Variants in TRPV4 observed in about 807,000 individuals in gnomAD.
The protein encoded by TRPV4 is transient receptor potential cation channel subfamily V member 4.
Under a neutral mutation model 84.1 loss-of-function variants are expected in TRPV4, and 58 were observed. That is an observed-to-expected ratio of 0.69 (90% CI 0.56 to 0.86). TRPV4 has a LOEUF of 0.86. Among genes scored for constraint, TRPV4 ranks in the 40% least tolerant of loss-of-function variants. The pLI, the probability that TRPV4 is intolerant of heterozygous loss-of-function variation, is 0.00. For missense variants in TRPV4, 879 were observed against 1,181.1 expected (o/e 0.74, Z 3.75); for synonymous variants, 489 against 500.9 (o/e 0.98, Z 0.32).
chr12:109,802,850 C>G lies in TRPV4; in HGVS notation c.712+141G>C, dbSNP rs1890886854. Reference sequence around the variant, plus strand: ...TCCATGCATCCATGCATCCATCCATCCATCCATCCATCCATCCATTTGTCA... The same window carrying G: ...TCCATGCATCCATGCATCCATCCATGCATCCATCCATCCATCCATTTGTCA... On this transcript the variant is annotated intron_variant, in intron 4 of 15. Transcript: ENST00000261740. 1.8e-5 allele frequency: 15 copies of G among 811,718 alleles called. 1 individual carries two copies. In the South Asian group the frequency reaches 2.1e-4, roughly 11 times the overall value. The allele number at this position is 811,718 out of a possible 1,614,324, so 50.3% of individuals were successfully genotyped here.
At chr12:109,817,285 G>A (rs967037457) in intron 1 of TRPV4, among the ~76,000 whole-genome samples, 1 of 152,122 alleles carries the variant, frequency 6.6e-6, no homozygotes, top group Non-Finnish European at 1.5e-5. Context: ...CTCACTGGGG[G>A]CCCTGAGGTC....
Position 109,793,951 on chromosome 12 carries a change from C to T in TRPV4, c.1563G>A (p.Gly521=), listed in dbSNP as rs750906932. The T allele has an allele frequency of 6.8e-6, 11 of 1,610,398 alleles. No individual in the cohort carries two copies. In the East Asian group the frequency reaches 2.2e-4, roughly 33 times the overall value. Residue 521 remains glycine, a synonymous_variant, in exon 9 of 16, where the codon GGG becomes GGA. Coordinates refer to ENST00000261740, the MANE Select transcript of TRPV4 (RefSeq NM_021625.5). The surrounding 1 kb of genome is among the most constrained non-coding windows in gnomAD (Gnocchi z 4.0). ...TTACGTTGGTGAAGAAGAACAGGAC[C>T]CCAGTGAAGAGCGTAATGACCTCGC... ...LAGEVITLFT[G]VLFFFTNIKD...
intron 7 of TRPV4, among the ~76,000 whole-genome samples, chr12:109,795,116 C>A (rs993060108): frequency 6.6e-6 from 1 of 152,210 alleles, no homozygotes; most frequent in Non-Finnish European, 1.5e-5. Flanking sequence ...TAACTTGCTG[C>A]AAGTATAAAT....
chr12:109,816,452 G>A (rs758258475), intron 1 of TRPV4, among the ~76,000 whole-genome samples: 3 of 152,154 alleles, frequency 2.0e-5, no homozygotes, highest in African/African-American at 7.2e-5. Context: ...GGGAAGTGAG[G>A]TCAGATATAT....
chr12:109,812,929 G>A (rs1364975807), intron 2 of TRPV4, among the ~76,000 whole-genome samples: 2 of 151,968 alleles, frequency 1.3e-5, no homozygotes, highest in Admixed American at 6.6e-5. Flanking sequence ...TGGATAGGTG[G>A]ACAAAAAAGT....
chr12:109,792,887 C>T, intron 10 of TRPV4, 70 bp from the exon 11 acceptor site: 1 of 1,532,098 alleles, frequency 6.5e-7, no homozygotes, highest in East Asian at 2.3e-5. Context: ...GAGGGGAAGA[C>T]ACGCCTCCAA....
chr12:109,792,486 C>T, intron 11 of TRPV4, 57 bp from the exon 12 acceptor site: 2 of 1,592,850 alleles, frequency 1.3e-6, no homozygotes, highest in Non-Finnish European at 1.7e-6. Flanking sequence ...TTCTCACTTT[C>T]CCCATTCCTC....
At chr12:109,808,954 T>C (rs1258483077) in intron 2 of TRPV4, among the ~76,000 whole-genome samples, 3 of 145,928 alleles carry the variant, frequency 2.1e-5, no homozygotes, top group African/African-American at 7.7e-5. Context: ...CCATCATTCA[T>C]CCATCCATCC....
chr12:109,823,576 T>A (rs898116290), intron 1 of TRPV4, among the ~76,000 whole-genome samples: 2 of 152,124 alleles, frequency 1.3e-5, no homozygotes, highest in Admixed American at 6.5e-5. Context: ...TATTGCAGGA[T>A]TCCATTTATA....
intron 5 of TRPV4, 99 bp downstream of exon 5, chr12:109,800,519 T>G (rs1890705885): frequency 2.0e-6 from 3 of 1,491,644 alleles, no homozygotes; most frequent in Admixed American, 3.5e-5. Context: ...GCCCTGGGTG[T>G]CTGGGTGATG....
rs770581571 is a variant in TRPV4 at position 109,798,564 on chromosome 12, C to T, written c.1152+50G>A. The stretch of plus-strand genomic sequence containing the variant: ...AGCAGCAGACCCTCGTGTGTGTGTG[C>T]AGAGGGGTACGAGTAGGTGGATCAG... On this transcript the variant is annotated intron_variant, in intron 6 of 15. Transcript: ENST00000261740. This position sits in a 1 kb window ranked among gnomAD's most constrained non-coding sequence, Gnocchi z 5.0. 1.9e-6 allele frequency: 3 copies of T among 1,595,852 alleles called. No individual in the cohort carries two copies. The highest frequency in any genetic ancestry group is 2.2e-5 in the South Asian group (2 of 90,622).
Position 109,822,263 on chromosome 12 carries a change from G to A in TRPV4, c.-31-7436C>T, listed in dbSNP as rs1254472109. Among the ~76,000 whole-genome samples the A allele has an allele frequency of 5.3e-5, 8 of 152,104 alleles. No homozygotes were observed. In the East Asian group the frequency reaches 1.5e-3, roughly 29 times the overall value. ...GTAGGAAGGAGCCCACAGAGAAGGT[G>A]CTCAGGCTCCCAGACAGACCCAGTG... is the stretch of plus-strand genomic sequence containing the variant. On this transcript the variant is annotated intron_variant, in intron 1 of 15. Coordinates refer to ENST00000261740, the MANE Select transcript of TRPV4 (RefSeq NM_021625.5).
intron 1 of TRPV4, among the ~76,000 whole-genome samples, chr12:109,819,530 C>T (rs1892008432): frequency 6.6e-6 from 1 of 152,236 alleles, no homozygotes; most frequent in South Asian, 2.1e-4. Context: ...TCCTCACACA[C>T]TGACATCTTC....
At chr12:109,816,001 C>G (rs1447511081) in intron 1 of TRPV4, among the ~76,000 whole-genome samples, 1 of 152,212 alleles carries the variant, frequency 6.6e-6, no homozygotes, top group African/African-American at 2.4e-5. Context: ...GGCTGGGCAC[C>G]AAGGGTGAGT....
At chr12:109,806,048 G>A (rs555663880) in intron 3 of TRPV4, among the ~76,000 whole-genome samples, 5 of 152,314 alleles carry the variant, frequency 3.3e-5, no homozygotes, top group East Asian at 1.9e-4. Context: ...GGTTATCTCC[G>A]AATGAGATTA....
intron 3 of TRPV4, among the ~76,000 whole-genome samples, chr12:109,808,094 T>C (rs1185560260): frequency 6.6e-6 from 1 of 152,110 alleles, no homozygotes; most frequent in Non-Finnish European, 1.5e-5. Flanking sequence ...AAAGAATGAA[T>C]AAATGGAGGT....
chr12:109,830,333 A>G lies in TRPV4; in HGVS notation c.-32+3017T>C, dbSNP rs553808888. On this transcript the variant is annotated intron_variant, in intron 1 of 15. Coordinates refer to ENST00000261740, the MANE Select transcript of TRPV4 (RefSeq NM_021625.5). Reference sequence around the variant, plus strand: ...GACCTCATTCTGCCCTCTGAAAAATAGAGACAAAAATAGTTTTGTATCCAA... The same window carrying G: ...GACCTCATTCTGCCCTCTGAAAAATGGAGACAAAAATAGTTTTGTATCCAA... Among the ~76,000 whole-genome samples, 16 of 152,366 alleles carry G rather than the reference A, an allele frequency of 1.1e-4. No homozygotes were observed. The South Asian group carries it at 3.1e-3, about 30-fold the overall frequency.
Position 109,783,343 on chromosome 12 carries a change from T to G in TRPV4, c.*278A>C. On this transcript the variant is annotated 3_prime_UTR_variant, in exon 16 of 16. Transcript: ENST00000261740. The surrounding 1 kb of genome is among the most constrained non-coding windows in gnomAD (Gnocchi z 4.6). The stretch of plus-strand genomic sequence containing the variant: ...CGTCGCTTCCTGAGAGCAGAGCAAA[T>G]AAATAATGGAGAGGCAGGGGCTGGG... 1 of 426,590 alleles carries G rather than the reference T, an allele frequency of 2.3e-6. No homozygotes were observed. The highest frequency in any genetic ancestry group is 4.2e-6 in the Non-Finnish European group (1 of 239,020). The allele number at this position is 426,590 out of a possible 1,614,324, so 26.4% of individuals were successfully genotyped here. A position where few individuals can be genotyped will look rare whatever the true frequency, so the allele number is the denominator to read the frequency against.
Position 109,800,726 on chromosome 12 carries a change from G to A in TRPV4, c.745C>T (p.Arg249Cys), listed in dbSNP as rs148041016. 55 of 1,613,924 alleles carry A rather than the reference G, an allele frequency of 3.4e-5. No individual in the cohort carries two copies. Among genetic ancestry groups the A allele is most frequent in the African/African-American group, 6.7e-5 (5 of 74,906 alleles). ...AGAAGTTCCACGTAGTGTTTGCAGC[G>A]ACGCTCAATGGCGATGTGCAGGGCT... ...QTALHIAIER[R>C]CKHYVELLVA... is the part of the protein sequence containing the mutation. Residue 249 changes from arginine to cysteine, a missense_variant, in exon 5 of 16, where the codon CGC (arginine) becomes TGC (cysteine). Transcript: ENST00000261740.
Sources: gnomAD v4.1 joint callset for allele counts (sites outside exome capture counted in the v4.1 genomes callset) on GRCh38, gnomAD v4.1.1 for gene constraint, Gnocchi (gnomAD v3.1) non-coding constraint, MANE v1.5 for transcripts, NCBI Gene and HGNC (gene_info 2026-07-23, HGNC 2026-07-21) for gene names.